Variants in NAV1 observed in about 807,000 individuals in gnomAD.
NAV1 encodes the protein pore membrane and/or filament interacting like protein 3.
A neutral mutation model predicts 175.2 loss-of-function variants in NAV1; 18 were observed. The observed-to-expected ratio is 0.10, with a 90% CI of 0.07 to 0.15. The LOEUF is 0.15. NAV1 is among the 10% of genes least tolerant of loss of function. The pLI, the probability that NAV1 is intolerant of heterozygous loss-of-function variation, is 1.00. For synonymous variants in NAV1, 897 were observed against 978.7 expected (o/e 0.92, Z 1.56); for missense variants, 1,731 against 2,436.6 (o/e 0.71, Z 6.10).
At chr1:201,800,804 C>CAACTTGGT (rs1677806766) in intron 15 of NAV1, among the ~76,000 whole-genome samples, 1 of 138,578 alleles carries the variant, frequency 7.2e-6, no homozygotes, top group Non-Finnish European at 1.6e-5. Flanking sequence ...TTTTTAACTT[C>CAACTTGGT]AACTTGGTGT....
Position 201,694,217 on chromosome 1 carries a change from T to A in NAV1, c.758-18600T>A, listed in dbSNP as rs1671089417. On this transcript the variant is annotated intron_variant, in intron 1 of 29. Transcript: ENST00000367296. The surrounding 1 kb of genome is among the most constrained non-coding windows in gnomAD (Gnocchi z 4.2). ...GAGGGGACCAGCAGCCCCCTAGTCA[T>A]CACAGTCATCACTGAGAACTCCCCC... is the stretch of plus-strand genomic sequence containing the variant. Among the ~76,000 whole-genome samples, 1 of 152,160 alleles carries A rather than the reference T, an allele frequency of 6.6e-6. No individual in the cohort carries two copies. The highest frequency in any genetic ancestry group is 1.5e-5 in the Non-Finnish European group (1 of 68,018).
intron 2 of NAV1, among the ~76,000 whole-genome samples, chr1:201,630,922 GATT>G (rs1232986230): frequency 6.6e-6 from 1 of 152,160 alleles, no homozygotes; most frequent in Admixed American, 6.5e-5. Flanking sequence ...GCTCGTTCAC[GATT>G]ATTATCCGAT....
At chr1:201,699,261 T>C (rs1217002127) in intron 1 of NAV1, among the ~76,000 whole-genome samples, 4 of 152,026 alleles carry the variant, frequency 2.6e-5, no homozygotes, top group Admixed American at 2.0e-4. Flanking sequence ...ACAAAATCAA[T>C]GTGCAAAAAT....
At chr1:201,819,810 T>C (rs2102843277) in intron 29 of NAV1, 27 bp from the exon 34 acceptor site, 1 of 1,606,948 alleles carries the variant, frequency 6.2e-7, no homozygotes, top group Non-Finnish European at 8.5e-7. Flanking sequence ...CCAACTCTCA[T>C]AAATCCATCT....
At chr1:201,771,969 A>G (rs1307025046) in intron 3 of NAV1, among the ~76,000 whole-genome samples, 2 of 152,260 alleles carry the variant, frequency 1.3e-5, no homozygotes, top group African/African-American at 4.8e-5. Flanking sequence ...TGGAGAATAT[A>G]TAAATAGCAG....
At position 201,810,047 on chromosome 1, in the gene NAV1, G is replaced by A; in HGVS notation, c.4503G>A (p.Glu1501=). Residue 1501 remains glutamate, a synonymous_variant, in exon 23 of 30, where the codon GAG becomes GAA. Transcript: ENST00000367296. This position sits in a 1 kb window ranked among gnomAD's most constrained non-coding sequence, Gnocchi z 6.0. ...ACGTGAAACGAGTGTTGGATGCAGA[G>A]CCCCCCGAGATGCCTCCTTGCCGTC... 1 of 1,613,994 alleles carries A rather than the reference G, an allele frequency of 6.2e-7. No individual in the cohort carries two copies. Among genetic ancestry groups the A allele is most frequent in the South Asian group, 1.1e-5 (1 of 91,062 alleles).
intron 1 of NAV1, among the ~76,000 whole-genome samples, chr1:201,653,341 C>T (rs188424062): frequency 6.6e-6 from 1 of 152,340 alleles, no homozygotes; most frequent in East Asian, 1.9e-4. Context: ...ACCCAGGAAC[C>T]TGGACTTCCT....
intron 2 of NAV1, among the ~76,000 whole-genome samples, chr1:201,615,651 C>A (rs1349745604): frequency 6.6e-6 from 1 of 152,154 alleles, no homozygotes; most frequent in Non-Finnish European, 1.5e-5. Context: ...TTTATAAAAC[C>A]CTATGACTAC....
In NAV1 at chr1:201,812,294, T is replaced by C. The variant is rs1678739867; in HGVS notation, c.5025-171T>C. On this transcript the variant is annotated intron_variant, in intron 26 of 29. Transcript: ENST00000367296. The surrounding 1 kb of genome is among the most constrained non-coding windows in gnomAD (Gnocchi z 4.6). ...GGGCTACCAATTTGAGAATCAGCTC[T>C]ACCACCCCAGGGCTGCTGCTCTGAG... 6.6e-6 allele frequency among the ~76,000 whole-genome samples: 1 copy of C among 152,184 alleles called. No individual in the cohort carries two copies. Among genetic ancestry groups the C allele is most frequent in the Non-Finnish European group, 1.5e-5 (1 of 68,038 alleles).
At chr1:201,586,864 A>G (rs1667044094) in intron 1 of NAV1, among the ~76,000 whole-genome samples, 1 of 152,162 alleles carries the variant, frequency 6.6e-6, no homozygotes, top group Non-Finnish European at 1.5e-5. Flanking sequence ...AGGGTGTGAG[A>G]TATACATTTC....
At chr1:201,702,273 G>C in intron 1 of NAV1, among the ~76,000 whole-genome samples, 1 of 152,280 alleles carries the variant, frequency 6.6e-6, no homozygotes, top group South Asian at 2.1e-4. Context: ...GCTTCTTATT[G>C]GAATGATAAA....
chr1:201,647,567 T>TA (rs1220315235), upstream of NAV1, among the ~76,000 whole-genome samples: 1 of 152,118 alleles, frequency 6.6e-6, no homozygotes, highest in Non-Finnish European at 1.5e-5. Context: ...TCTCAAGAGT[T>TA]ACTCCTTCCC....
At chr1:201,639,019 C>T (rs541364050) in intron 2 of NAV1, among the ~76,000 whole-genome samples, 8 of 152,240 alleles carry the variant, frequency 5.3e-5, no homozygotes, top group Admixed American at 3.9e-4. Flanking sequence ...GAGCGGTGTG[C>T]GATGGGGTAG....
At chr1:201,732,788 T>C (rs1672919161) in intron 3 of NAV1, among the ~76,000 whole-genome samples, 1 of 151,958 alleles carries the variant, frequency 6.6e-6, no homozygotes, top group Non-Finnish European at 1.5e-5. Flanking sequence ...TGAAAAGAAA[T>C]GGCCAGGTGT....
chr1:201,774,306 T>G (rs1474639034), intron 3 of NAV1, among the ~76,000 whole-genome samples: 3 of 152,242 alleles, frequency 2.0e-5, no homozygotes, highest in African/African-American at 7.2e-5. Flanking sequence ...GATGCCATAT[T>G]TAAGCTGCCT....
chr1:201,584,358 A>G lies in NAV1; in HGVS notation c.-143-4181A>G, dbSNP rs142315003. ...AATGTAACCTACTCTATATGCAGCT[A>G]TAAAAACAAAGAATCTGGATTCTAA... On this transcript the variant is annotated intron_variant, in intron 1 of 33. Coordinates refer to the NAV1 transcript ENST00000685211. 2.5e-3 allele frequency among the ~76,000 whole-genome samples: 385 copies of G among 152,364 alleles called. 1 individual carries two copies. The highest frequency in any genetic ancestry group is 8.7e-3 in the African/African-American group (363 of 41,582).
chr1:201,622,519 GAGA>G (rs1187426044), upstream of NAV1, among the ~76,000 whole-genome samples: 2 of 152,162 alleles, frequency 1.3e-5, no homozygotes, highest in Admixed American at 6.5e-5. Flanking sequence ...GAGGAGCTGT[GAGA>G]AGGAGAGTCT....
chr1:201,752,364 G>A (rs1028435662), intron 3 of NAV1, among the ~76,000 whole-genome samples: 2 of 152,194 alleles, frequency 1.3e-5, no homozygotes. Context: ...AACCTGCCCA[G>A]TGTTCCTTGG....
Position 201,706,254 on chromosome 1 carries a change from GGT to G in NAV1, c.758-6538_758-6537del, listed in dbSNP as rs71138350. The stretch of plus-strand genomic sequence containing the variant: ...CTCTTTTTGGGAGTTATTAAGAAGG[GGT>G]GTGTGTGTGTGTGTGTGTGTGTGTC... On this transcript the variant is annotated intron_variant, in intron 1 of 29. Transcript: ENST00000367296. 4.4e-3 allele frequency among the ~76,000 whole-genome samples: 655 copies of G among 148,732 alleles called. 6 individuals carry two copies. The highest frequency in any genetic ancestry group is 0.011 in the Admixed American group (165 of 14,892).
Sources: allele counts gnomAD v4.1 joint callset (sites outside exome capture counted in the v4.1 genomes callset), GRCh38; gene constraint gnomAD v4.1.1; non-coding constraint Gnocchi (gnomAD v3.1); transcripts MANE v1.5; gene names NCBI Gene and HGNC (gene_info 2026-07-23, HGNC 2026-07-21).